Variants in LRRC4C observed in about 807,000 individuals in gnomAD.
LRRC4C encodes leucine-rich repeat-containing protein 4C.
Under a neutral mutation model 33.6 loss-of-function variants are expected in LRRC4C, and 5 were observed. The observed-to-expected ratio is 0.15, with a 90% CI of 0.08 to 0.31. LRRC4C has a LOEUF of 0.31. LRRC4C is among the 10% of genes least tolerant of loss of function. LRRC4C has a pLI of 1.00. For missense variants in LRRC4C, 560 were observed against 796.7 expected, an observed-to-expected ratio of 0.70 and a Z score of 3.58; for synonymous variants, 329 against 302.0, an observed-to-expected ratio of 1.09 and a Z score of -0.93.
intron 2 of LRRC4C, among the ~76,000 whole-genome samples, chr11:40,676,280 T>C (rs1944395347): frequency 6.6e-6 from 1 of 152,170 alleles, no homozygotes; most frequent in African/African-American, 2.4e-5. Context: ...TCTTCATGCC[T>C]TTCTGGGTTC....
At chr11:40,798,037 G>T (rs1242482528) in intron 2 of LRRC4C, among the ~76,000 whole-genome samples, 1 of 152,034 alleles carries the variant, frequency 6.6e-6, no homozygotes, top group Non-Finnish European at 1.5e-5. Context: ...ATTCCTATTG[G>T]GTCTATAATC....
At chr11:41,295,697 G>A (rs1950121987) in intron 1 of LRRC4C, among the ~76,000 whole-genome samples, 1 of 151,504 alleles carries the variant, frequency 6.6e-6, no homozygotes, top group Non-Finnish European at 1.5e-5. Flanking sequence ...CAATATCACA[G>A]ATCATATCAT....
intron 2 of LRRC4C, among the ~76,000 whole-genome samples, chr11:40,737,050 T>A (rs1947905489): frequency 6.6e-6 from 1 of 152,182 alleles, no homozygotes; most frequent in Non-Finnish European, 1.5e-5. Flanking sequence ...GCTTTTGGTG[T>A]TTTAGTACTA....
chr11:40,598,127 C>T (rs1459412620), intron 3 of LRRC4C, among the ~76,000 whole-genome samples: 1 of 152,120 alleles, frequency 6.6e-6, no homozygotes, highest in Non-Finnish European at 1.5e-5. Context: ...ATTTAAAAGT[C>T]TAGTTATTTT....
chr11:41,336,225 A>G (rs1951447084), intron 1 of LRRC4C, among the ~76,000 whole-genome samples: 2 of 152,168 alleles, frequency 1.3e-5, no homozygotes, highest in Admixed American at 6.5e-5. Flanking sequence ...ATGATTCACT[A>G]TGAATTATAG....
At chr11:40,270,585 T>C (rs140786043) in intron 4 of LRRC4C, among the ~76,000 whole-genome samples, 405 of 150,062 alleles carry the variant, frequency 2.7e-3, no homozygotes, top group Middle Eastern at 6.8e-3. Flanking sequence ...TAACACTCTC[T>C]TCTTCTTTCT....
At chr11:40,982,204 G>A (rs200662887) in intron 1 of LRRC4C, among the ~76,000 whole-genome samples, 1 of 152,082 alleles carries the variant, frequency 6.6e-6, no homozygotes, top group Non-Finnish European at 1.5e-5. Context: ...GATGAATAGG[G>A]TACCCTAAAC....
intron 1 of LRRC4C, among the ~76,000 whole-genome samples, chr11:41,331,574 G>A (rs1372548745): frequency 1.3e-5 from 2 of 152,188 alleles, no homozygotes; most frequent in Non-Finnish European, 2.9e-5. Flanking sequence ...ACATCTTGCT[G>A]TTTCTTAATA....
At chr11:40,876,147 T>C (rs1319225716) in intron 2 of LRRC4C, among the ~76,000 whole-genome samples, 3 of 152,100 alleles carry the variant, frequency 2.0e-5, no homozygotes, top group Non-Finnish European at 4.4e-5. Flanking sequence ...AACATACTTT[T>C]AAGGCCACTG....
At chr11:41,447,331 C>G (rs965908712) in intron 1 of LRRC4C, among the ~76,000 whole-genome samples, 1 of 152,152 alleles carries the variant, frequency 6.6e-6, no homozygotes, top group East Asian at 1.9e-4. Flanking sequence ...AGAATCAATA[C>G]ATGAAATATG....
intron 3 of LRRC4C, among the ~76,000 whole-genome samples, chr11:40,537,203 C>T (rs72883478): frequency 0.088 from 13,363 of 152,182 alleles, 1,661 homozygotes; most frequent in African/African-American, 0.28. Context: ...TCCTTTTAGG[C>T]TCTGTCTCCG....
At chr11:40,851,719 G>T (rs1953511004) in intron 2 of LRRC4C, among the ~76,000 whole-genome samples, 1 of 152,184 alleles carries the variant, frequency 6.6e-6, no homozygotes, top group Non-Finnish European at 1.5e-5. Flanking sequence ...GGCGGAGGTT[G>T]CAGTGAGCCG....
At chr11:40,333,121 G>A (rs1021003626) in intron 3 of LRRC4C, among the ~76,000 whole-genome samples, 1 of 151,774 alleles carries the variant, frequency 6.6e-6, no homozygotes, top group African/African-American at 2.4e-5. Context: ...AGAGAGTGAA[G>A]GCCACCAAAA....
At chr11:41,421,723 A>G (rs1169391232) in intron 1 of LRRC4C, among the ~76,000 whole-genome samples, 2 of 152,036 alleles carry the variant, frequency 1.3e-5, no homozygotes. Flanking sequence ...AACATCAGCA[A>G]TAATCCACCA....
chr11:41,415,652 C>A (rs554320628), intron 1 of LRRC4C, among the ~76,000 whole-genome samples: 8 of 152,062 alleles, frequency 5.3e-5, no homozygotes, highest in African/African-American at 7.2e-5. Flanking sequence ...AAGAGAGCAG[C>A]AACGTTTTAA....
chr11:41,368,120 G>A (rs1172392577), intron 1 of LRRC4C, among the ~76,000 whole-genome samples: 1 of 152,070 alleles, frequency 6.6e-6, no homozygotes, highest in Non-Finnish European at 1.5e-5. Flanking sequence ...CAGATTTCAG[G>A]CTTTAAATTA....
intron 3 of LRRC4C, among the ~76,000 whole-genome samples, chr11:40,521,247 G>C (rs1007007844): frequency 6.6e-6 from 1 of 152,082 alleles, no homozygotes; most frequent in Non-Finnish European, 1.5e-5. Flanking sequence ...TTGCACTTCA[G>C]GTATAATTTA....
At chr11:40,806,776 A>G (rs1057491040) in intron 2 of LRRC4C, among the ~76,000 whole-genome samples, 7 of 152,166 alleles carry the variant, frequency 4.6e-5, no homozygotes, top group African/African-American at 7.2e-5. Flanking sequence ...TACTACATCT[A>G]CTATTAGAAT....
At chr11:40,355,407 A>G (rs1232812655) in intron 3 of LRRC4C, among the ~76,000 whole-genome samples, 2 of 152,012 alleles carry the variant, frequency 1.3e-5, no homozygotes, top group Admixed American at 6.6e-5. Flanking sequence ...AGGAATTATA[A>G]CCCTTGTAGC....
Sources: gnomAD v4.1 joint callset for allele counts (sites outside exome capture counted in the v4.1 genomes callset) on GRCh38, gnomAD v4.1.1 for gene constraint, MANE v1.5 for transcripts, NCBI Gene and HGNC (gene_info 2026-07-23, HGNC 2026-07-21) for gene names.